ELOVL7: variants seen among roughly 807,000 people sequenced by gnomAD.
ELOVL7 encodes very long chain fatty acid elongase 7.
In ELOVL7, 27 loss-of-function variants were observed where a neutral mutation model predicts 35.7. The observed-to-expected ratio is 0.76, with a 90% confidence interval of 0.56 to 1.04. The LOEUF (loss-of-function observed/expected upper bound fraction) is 1.04. Among genes scored for constraint, ELOVL7 ranks in the 50% least tolerant of loss-of-function variants. The pLI, the probability that ELOVL7 is intolerant of heterozygous loss-of-function variation, is 0.00. For missense variants in ELOVL7, 327 were observed against 340.8 expected, an observed-to-expected ratio of 0.96 and a Z score of 0.32; for synonymous variants, 113 against 114.6, an observed-to-expected ratio of 0.99 and a Z score of 0.09.
At chr5:60,758,288 G>C (rs1026064186) in intron 7 of ELOVL7, among the ~76,000 whole-genome samples, 5 of 152,222 alleles carry the variant, frequency 3.3e-5, no homozygotes, top group Admixed American at 6.5e-5. Context: ...CCATATAAAC[G>C]CATCACTAAT....
intron 1 of ELOVL7, among the ~76,000 whole-genome samples, chr5:60,825,004 G>A (rs2112364596): frequency 6.6e-6 from 1 of 150,858 alleles, no homozygotes; most frequent in Non-Finnish European, 1.5e-5. Flanking sequence ...CACCCAGGCT[G>A]GAGTGCAGTG....
chr5:60,813,143 T>G (rs1319383370), intron 1 of ELOVL7, among the ~76,000 whole-genome samples: 1 of 152,096 alleles, frequency 6.6e-6, no homozygotes, highest in Admixed American at 6.6e-5. Context: ...AACCAACAGG[T>G]TTATTGATCC....
In ELOVL7 at chr5:60,795,221, C is replaced by A. The variant is rs116097149; in HGVS notation, c.-35+3959G>T. Among the ~76,000 whole-genome samples the A allele has an allele frequency of 7.4e-3, 1,129 of 152,092 alleles. 13 individuals are homozygous for A. Among genetic ancestry groups the A allele is most frequent in the African/African-American group, 0.026 (1,066 of 41,448 alleles). ...GCCCAGAGGGTGGTGAAAGCCTCCC[C>A]GAGAGGAAGGTACTGAGAGACAGGA... On this transcript the variant is annotated intron_variant, in intron 2 of 8. Transcript: ENST00000508821.
intron 3 of ELOVL7, among the ~76,000 whole-genome samples, chr5:60,773,359 C>A (rs1742714102): frequency 6.6e-6 from 1 of 152,076 alleles, no homozygotes; most frequent in Non-Finnish European, 1.5e-5. Context: ...AATGATGTGG[C>A]CAAGCACTGA....
intron 1 of ELOVL7, among the ~76,000 whole-genome samples, chr5:60,832,325 G>A (rs1746525420): frequency 6.6e-6 from 1 of 152,100 alleles, no homozygotes; most frequent in South Asian, 2.1e-4. Context: ...TCTGTGCTCT[G>A]TCTACTGATG....
chr5:60,782,787 C>T (rs1026616469), intron 3 of ELOVL7, among the ~76,000 whole-genome samples: 1 of 152,028 alleles, frequency 6.6e-6, no homozygotes, highest in Non-Finnish European at 1.5e-5. Flanking sequence ...TTACCAGAGG[C>T]CAGGGGGCTG....
Position 60,753,986 on chromosome 5 carries a change from C to A in ELOVL7, c.*638G>T, listed in dbSNP as rs980878291. The A allele has an allele frequency of 6.6e-6, 1 of 152,210 alleles. No individual in the cohort carries two copies. The highest frequency in any genetic ancestry group is 2.4e-5 in the African/African-American group (1 of 41,422). The allele number at this position is 152,210 out of a possible 1,614,324, so 9.4% of individuals were successfully genotyped here. ...GATTGCTACTTTGAAACAGTTTGTACAACAAATGGGTTGTGAGGAAGTCTT... is the reference window on the plus strand; with the variant it reads ...GATTGCTACTTTGAAACAGTTTGTAAAACAAATGGGTTGTGAGGAAGTCTT... On this transcript the variant is annotated 3_prime_UTR_variant, in exon 9 of 9. Transcript: ENST00000508821.
intron 7 of ELOVL7, among the ~76,000 whole-genome samples, chr5:60,762,048 A>G (rs180922423): frequency 2.6e-5 from 4 of 152,232 alleles, no homozygotes; most frequent in African/African-American, 9.6e-5. Context: ...TCCACATGTA[A>G]GACTGAACAG....
chr5:60,781,112 A>C (rs1743225191), intron 3 of ELOVL7, among the ~76,000 whole-genome samples: 1 of 151,752 alleles, frequency 6.6e-6, no homozygotes, highest in Non-Finnish European at 1.5e-5. Flanking sequence ...TGGGAGACTG[A>C]GGCATGAGAA....
At chr5:60,771,183 C>T (rs1742565784) in intron 4 of ELOVL7, among the ~76,000 whole-genome samples, 1 of 152,054 alleles carries the variant, frequency 6.6e-6, no homozygotes, top group African/African-American at 2.4e-5. Flanking sequence ...ATAATGAAGC[C>T]AGCCAGAGTT....
intron 2 of ELOVL7, among the ~76,000 whole-genome samples, chr5:60,792,609 G>A (rs1443752195): frequency 6.6e-6 from 1 of 152,182 alleles, no homozygotes; most frequent in Non-Finnish European, 1.5e-5. Flanking sequence ...GCATGTGCCT[G>A]TAGTTCCAGC....
rs1486155473 is a variant in ELOVL7 at position 60,779,809 on chromosome 5, C to T, written c.64+7525G>A. Among the ~76,000 whole-genome samples the T allele has an allele frequency of 2.0e-5, 3 of 152,170 alleles. No homozygotes were observed. In the East Asian group the frequency reaches 5.8e-4, roughly 29 times the overall value. Reference sequence around the variant, plus strand: ...TAGAAAATTGTATTTTCTTTTCTATCGCATCATCAGGCTGCAAATTTTCCA... The same window carrying T: ...TAGAAAATTGTATTTTCTTTTCTATTGCATCATCAGGCTGCAAATTTTCCA... On this transcript the variant is annotated intron_variant, in intron 3 of 8. Coordinates refer to ENST00000508821, the MANE Select transcript of ELOVL7 (RefSeq NM_024930.3).
At chr5:60,767,373 C>T (rs1742307029) in intron 5 of ELOVL7, among the ~76,000 whole-genome samples, 3 of 152,170 alleles carry the variant, frequency 2.0e-5, no homozygotes, top group South Asian at 2.1e-4. Context: ...GGATTACAAG[C>T]GTAAGCCACT....
chr5:60,827,798 C>T (rs1319991155), intron 1 of ELOVL7, among the ~76,000 whole-genome samples: 5 of 152,272 alleles, frequency 3.3e-5, no homozygotes, highest in Middle Eastern at 3.4e-3. Context: ...AACACATGCC[C>T]TTGCCCTAGT....
chr5:60,769,796 TC>T (rs1445732481), intron 4 of ELOVL7, among the ~76,000 whole-genome samples: 2 of 152,178 alleles, frequency 1.3e-5, no homozygotes, highest in African/African-American at 4.8e-5. Flanking sequence ...ACACCTGTAA[TC>T]CTAGCACTTT....
At position 60,753,629 on chromosome 5, in the gene ELOVL7, T is replaced by C. The variant is rs1213094233; in HGVS notation, c.*995A>G. 1.3e-5 allele frequency: 2 copies of C among 152,206 alleles called. No individual in the cohort carries two copies. The highest frequency in any genetic ancestry group is 3.8e-4 in the East Asian group (2 of 5,202). The allele number at this position is 152,206 out of a possible 1,614,324, so 9.4% of individuals were successfully genotyped here. ...CTCTAACTCATATCTGGAAACTGTGTACAATGGGTAATATTATTTATGATT... is the reference window on the plus strand; with the variant it reads ...CTCTAACTCATATCTGGAAACTGTGCACAATGGGTAATATTATTTATGATT... On this transcript the variant is annotated 3_prime_UTR_variant, in exon 9 of 9. Transcript: ENST00000508821.
intron 1 of ELOVL7, among the ~76,000 whole-genome samples, chr5:60,804,657 A>G (rs895944935): frequency 2.6e-5 from 4 of 152,236 alleles, no homozygotes; most frequent in African/African-American, 7.2e-5. Context: ...TAGGACTTCA[A>G]TAGTCCTAGT....
At chr5:60,798,255 G>A (rs1335814199) in intron 2 of ELOVL7, among the ~76,000 whole-genome samples, 5 of 152,310 alleles carry the variant, frequency 3.3e-5, no homozygotes, top group African/African-American at 1.2e-4. Context: ...GTTTACGGAA[G>A]TATTGCAGAA....
intron 3 of ELOVL7, among the ~76,000 whole-genome samples, chr5:60,781,627 C>T (rs191578000): frequency 2.2e-3 from 329 of 152,190 alleles, no homozygotes; most frequent in Middle Eastern, 3.4e-3. Flanking sequence ...AAGTCCTGTA[C>T]GTGACTTTCA....
Sources: allele counts gnomAD v4.1 joint callset (sites outside exome capture counted in the v4.1 genomes callset), GRCh38; gene constraint gnomAD v4.1.1; transcripts MANE v1.5; gene names NCBI Gene and HGNC (gene_info 2026-07-23, HGNC 2026-07-21).